Variants in P4HA2 observed in about 807,000 individuals in gnomAD.
The protein encoded by P4HA2 is prolyl 4-hydroxylase subunit alpha-2.
In P4HA2, 46 loss-of-function variants were observed where a neutral mutation model predicts 76.9. The ratio of observed to expected loss-of-function variants is 0.60; its 90% CI spans 0.47 to 0.76. The LOEUF is 0.76. Among genes scored for constraint, P4HA2 ranks in the 30% least tolerant of loss-of-function variants. P4HA2 has a pLI of 0.00. For synonymous variants in P4HA2, 243 were observed against 254.0 expected, an observed-to-expected ratio of 0.96 and a Z score of 0.41; for missense variants, 583 against 669.4, an observed-to-expected ratio of 0.87 and a Z score of 1.42.
Position 132,210,434 on chromosome 5 carries a change from A to G in P4HA2, c.559T>C (p.Leu187=), listed in dbSNP as rs758283859. 4.3e-6 allele frequency: 7 copies of G among 1,614,040 alleles called. No homozygotes were observed. The South Asian group carries it at 7.7e-5, about 18-fold the overall frequency. ...YNEGDYYHTV[L]WMEQVLKQLD... ...TGCTTTAGCACCTGCTCCATCCACA[A>G]CACCGTATGATAATAGTCCCCTTCA... The change falls in exon 6 of 15, where the codon TTG becomes CTG. Residue 187 remains leucine, a synonymous_variant. Transcript: ENST00000360568.
chr5:132,192,992 G>A lies in P4HA2; in HGVS notation c.*18C>T. 1 of 1,557,004 alleles carries A rather than the reference G, an allele frequency of 6.4e-7. No homozygotes were observed. Among genetic ancestry groups the A allele is most frequent in the South Asian group, 1.1e-5 (1 of 89,896 alleles). Reference sequence around the variant, plus strand: ...ACATGGGCTGAAGGACCAGGAAGGGGAAGGACAGAAAAGGATGTCAGTCAA... The same window carrying A: ...ACATGGGCTGAAGGACCAGGAAGGGAAAGGACAGAAAAGGATGTCAGTCAA... On this transcript the variant is annotated 3_prime_UTR_variant, in exon 15 of 15. Coordinates refer to ENST00000360568, the MANE Select transcript of P4HA2 (RefSeq NM_001017974.2).
In P4HA2 at chr5:132,203,787, A is replaced by G; in HGVS notation, c.1212T>C (p.His404=). ...CAGTCTTTACTGTTAACCCTGTGAT[A>G]TGCTGCATCCGACGATTTACTCGGG... The part of the protein sequence containing the change: ...VVARVNRRMQ[H]ITGLTVKTAE... The change falls in exon 10 of 15, where the codon CAT becomes CAC. Residue 404 remains histidine, a synonymous_variant. Coordinates refer to ENST00000360568, the MANE Select transcript of P4HA2 (RefSeq NM_001017974.2). 6.2e-7 allele frequency: 1 copy of G among 1,613,252 alleles called. No homozygotes were observed. Among genetic ancestry groups the G allele is most frequent in the East Asian group, 2.2e-5 (1 of 44,874 alleles).
intron 1 of P4HA2, chr5:132,227,200 G>C (rs1040118610): frequency 6.6e-6 from 1 of 152,256 alleles, no homozygotes; most frequent in Non-Finnish European, 1.5e-5. Flanking sequence ...ATTAGTTAAC[G>C]AATTATCACG....
chr5:132,207,398 A>G (rs1019945096), intron 8 of P4HA2, among the ~76,000 whole-genome samples: 3 of 152,208 alleles, frequency 2.0e-5, no homozygotes, highest in African/African-American at 7.2e-5. Flanking sequence ...AACATTTCCA[A>G]AAAACTCACC....
rs1467590888 is a variant in P4HA2 at position 132,207,900 on chromosome 5, T to G, written c.904-16A>C. 1 of 1,550,508 alleles carries G rather than the reference T, an allele frequency of 6.4e-7. No homozygotes were observed. Among genetic ancestry groups the G allele is most frequent in the Non-Finnish European group, 8.7e-7 (1 of 1,149,936 alleles). Reference sequence around the variant, plus strand: ...TACGGGGTGTCTGGAAAGCACAGAGTAACAGGCCCTGAGCTGAGTGAGTCC... The same window carrying G: ...TACGGGGTGTCTGGAAAGCACAGAGGAACAGGCCCTGAGCTGAGTGAGTCC... On this transcript the variant is annotated splice_polypyrimidine_tract_variant and intron_variant, in intron 7 of 14. Coordinates refer to ENST00000360568, the MANE Select transcript of P4HA2 (RefSeq NM_001017974.2).
At chr5:132,204,820 T>C (rs998478819) in intron 8 of P4HA2, among the ~76,000 whole-genome samples, 1 of 152,220 alleles carries the variant, frequency 6.6e-6, no homozygotes, top group Non-Finnish European at 1.5e-5. Context: ...CACCCACTCA[T>C]ACAGGTACAC....
chr5:132,196,665 A>G (rs1750686997), intron 12 of P4HA2, among the ~76,000 whole-genome samples: 1 of 152,042 alleles, frequency 6.6e-6, no homozygotes, highest in African/African-American at 2.4e-5. Context: ...GCTTGAGACC[A>G]GTCTGGCCAA....
At chr5:132,225,346 T>C (rs887953845) in intron 1 of P4HA2, among the ~76,000 whole-genome samples, 4 of 152,130 alleles carry the variant, frequency 2.6e-5, no homozygotes, top group African/African-American at 9.7e-5. Context: ...CTCCTAGCCC[T>C]CTGCACACTA....
intron 12 of P4HA2, chr5:132,197,920 A>C: frequency 1.3e-6 from 1 of 788,362 alleles, no homozygotes; most frequent in Non-Finnish European, 1.5e-6. Flanking sequence ...TACATTTAAA[A>C]AATGGTTAAG....
chr5:132,193,041 A>G lies in P4HA2; in HGVS notation c.1571T>C (p.Leu524Ser). The change falls in exon 15 of 15, where the codon TTG becomes TCG. Residue 524 changes from leucine to serine, a missense_variant. Coordinates refer to ENST00000360568, the MANE Select transcript of P4HA2 (RefSeq NM_001017974.2). ...AACTTCTGTTGATCCACAAGGTCTC[A>G]AGAACTCCTGTCCTCGTTCATGGAA... ...KWFHERGQEF[L>S]RPCGSTEVD The G allele has an allele frequency of 6.2e-7, 1 of 1,613,036 alleles. No individual in the cohort carries two copies. The highest frequency in any genetic ancestry group is 8.5e-7 in the Non-Finnish European group (1 of 1,178,972).
intron 1 of P4HA2, among the ~76,000 whole-genome samples, chr5:132,224,516 G>C (rs140110027): frequency 6.6e-6 from 1 of 152,356 alleles, no homozygotes; most frequent in African/African-American, 2.4e-5. Flanking sequence ...AGAAGGTCCA[G>C]ACTAGGGAAC....
rs745361080 is a variant in P4HA2, at chr5:132,206,258, G to A, written c.1080+1450C>T. Among the ~76,000 whole-genome samples, 60 of 152,266 alleles carry A rather than the reference G, an allele frequency of 3.9e-4. 1 individual carries two copies. The Middle Eastern group carries it at 0.01, about 26-fold the overall frequency. On this transcript the variant is annotated intron_variant, in intron 8 of 14. Transcript: ENST00000360568. ...AGGAAATCCTGGCACAACCAACAAAGTAGTTTTCTTTCCTGGAGGACTCTG... is the reference window on the plus strand; with the variant it reads ...AGGAAATCCTGGCACAACCAACAAAATAGTTTTCTTTCCTGGAGGACTCTG...
rs910501296 is a variant in P4HA2, at chr5:132,191,329, G to T, written c.*1681C>A. On this transcript the variant is annotated 3_prime_UTR_variant, in exon 15 of 15. Transcript: ENST00000360568. ...AGATCGAGACCATCCCGGCTAAAAC[G>T]GTGAAACCCCGTCTCTACTAAAAAT... Among the ~76,000 whole-genome samples, 5 of 151,828 alleles carry T rather than the reference G, an allele frequency of 3.3e-5. No individual in the cohort carries two copies. Among genetic ancestry groups the T allele is most frequent in the Admixed American group, 6.6e-5 (1 of 15,250 alleles).
At chr5:132,210,625 A>G in intron 5 of P4HA2, 102 bp from the exon 6 acceptor site, 2 of 1,096,120 alleles carry the variant, frequency 1.8e-6, no homozygotes, top group Non-Finnish European at 2.8e-6. Flanking sequence ...AGGGGGCATC[A>G]CCAAGCAGAA....
chr5:132,214,861 A>C (rs1753624309), intron 4 of P4HA2, among the ~76,000 whole-genome samples: 1 of 152,216 alleles, frequency 6.6e-6, no homozygotes. Flanking sequence ...TTTTGACCAC[A>C]GAAGTACTCC....
At chr5:132,217,421 T>C in intron 3 of P4HA2, 73 bp from the exon 4 acceptor site, 1 of 1,472,746 alleles carries the variant, frequency 6.8e-7, no homozygotes, top group African/African-American at 1.4e-5. Flanking sequence ...ATTTTCCTAG[T>C]GAGAATTCCC....
At chr5:132,207,958 C>T (rs1166941758) in intron 7 of P4HA2, 74 bp from the exon 8 acceptor site, 3 of 1,187,984 alleles carry the variant, frequency 2.5e-6, no homozygotes, top group Non-Finnish European at 3.5e-6. Flanking sequence ...TGTCTGCAGA[C>T]ACTGGACTCA....
intron 1 of P4HA2, 52 bp from the exon 2 acceptor site, chr5:132,218,696 T>C: frequency 8.9e-7 from 1 of 1,123,770 alleles, no homozygotes. Context: ...AAAAGACTAA[T>C]TTAGGTGAGG....
rs553455279 is a variant in P4HA2, at chr5:132,207,881, G to A, written c.907C>T (p.Pro303Ser). Reference sequence around the variant, plus strand: ...CAGAAAAGCCTCTTCTGTCTACGGGGTGTCTGGAAAGCACAGAGTAACAGG... The same window carrying A: ...CAGAAAAGCCTCTTCTGTCTACGGGATGTCTGGAAAGCACAGAGTAACAGG... ...LCRGEGVKLT[P>S]RRQKRLFCRY... The change falls in exon 8 of 15, where the codon CCC becomes TCC. Residue 303 changes from proline to serine, a missense_variant. Transcript: ENST00000360568. The A allele has an allele frequency of 1.9e-6, 3 of 1,569,088 alleles. No individual in the cohort carries two copies. Among genetic ancestry groups the A allele is most frequent in the East Asian group, 2.3e-5 (1 of 44,060 alleles).
Sources: gnomAD v4.1 joint callset for allele counts (sites outside exome capture counted in the v4.1 genomes callset) on GRCh38, gnomAD v4.1.1 for gene constraint, MANE v1.5 for transcripts, NCBI Gene and HGNC (gene_info 2026-07-23, HGNC 2026-07-21) for gene names.